Variants in PCDH15 observed in about 807,000 individuals in gnomAD.
The protein encoded by PCDH15 is protocadherin-15.
In PCDH15, 129 loss-of-function variants were observed where a neutral mutation model predicts 178.5. The observed-to-expected ratio is 0.72, with a 90% CI of 0.63 to 0.84. PCDH15 has a LOEUF of 0.84. PCDH15 is among the 40% of genes least tolerant of loss of function. The probability of loss-of-function intolerance (pLI) is 0.00; values close to 1 mark genes in which losing one functional copy is unlikely to be tolerated. For missense variants in PCDH15, 2,230 were observed against 2,099.9 expected (o/e 1.06, Z -1.21); for synonymous variants, 800 against 732.0 (o/e 1.09, Z -1.50).
chr10:55,086,367 A>G (rs568487361), intron 2 of PCDH15, among the ~76,000 whole-genome samples: 126 of 152,098 alleles, frequency 8.3e-4, no homozygotes, highest in Non-Finnish European at 1.2e-3. Context: ...ACATAGTTCT[A>G]TGATCAGTAA....
At chr10:53,925,665 T>C (rs1314604673) in intron 25 of PCDH15, among the ~76,000 whole-genome samples, 1 of 152,202 alleles carries the variant, frequency 6.6e-6, no homozygotes, top group Non-Finnish European at 1.5e-5. Context: ...TGCCAGTGGA[T>C]TTTTGTTTGC....
At chr10:54,015,461 G>A (rs560023768) in intron 20 of PCDH15, among the ~76,000 whole-genome samples, 8 of 152,104 alleles carry the variant, frequency 5.3e-5, no homozygotes, top group Non-Finnish European at 1.0e-4. Flanking sequence ...AAAGCAAAAA[G>A]AAAAAAGCTG....
At chr10:53,963,538 A>T (rs2088600257) in intron 21 of PCDH15, among the ~76,000 whole-genome samples, 1 of 152,184 alleles carries the variant, frequency 6.6e-6, no homozygotes, top group South Asian at 2.1e-4. Context: ...GTTCATAAAT[A>T]TCAAATTTTA....
intron 3 of PCDH15, among the ~76,000 whole-genome samples, chr10:54,874,752 A>G (rs1340256982): frequency 2.0e-5 from 3 of 152,176 alleles, no homozygotes; most frequent in Admixed American, 6.6e-5. Context: ...AGAAATCATG[A>G]TCATCTTAAA....
At chr10:54,091,573 A>C (rs2136066264) in intron 15 of PCDH15, among the ~76,000 whole-genome samples, 1 of 152,336 alleles carries the variant, frequency 6.6e-6, no homozygotes, top group East Asian at 1.9e-4. Flanking sequence ...GGACCACAAA[A>C]ACTACAGAAT....
intron 21 of PCDH15, among the ~76,000 whole-genome samples, chr10:53,967,874 A>G (rs930171251): frequency 2.6e-5 from 4 of 152,218 alleles, no homozygotes; most frequent in African/African-American, 7.2e-5. Flanking sequence ...CTATCTATTT[A>G]CAAGTAAATC....
chr10:54,346,313 A>G, intron 6 of PCDH15, 52 bp downstream of exon 6: 2 of 1,561,938 alleles, frequency 1.3e-6, no homozygotes, highest in Non-Finnish European at 1.8e-6. Context: ...TGAAAAAATC[A>G]TTAATTTTAT....
Position 53,860,724 on chromosome 10 carries a change from C to CA in PCDH15, c.3718-3462dup, listed in dbSNP as rs11345773. On this transcript the variant is annotated intron_variant, in intron 27 of 37. Transcript: ENST00000644397. ...CCAGTCTGGGCGAGAGACTCTGTCT[C>CA]AAAAAAAAAAAAAAAAAAAAAAGTG... Among the ~76,000 whole-genome samples, 236 of 77,798 alleles carry CA rather than the reference C, an allele frequency of 3.0e-3. 1 individual carries two copies. The highest frequency in any genetic ancestry group is 4.2e-3 in the Non-Finnish European group (171 of 40,804). 51.0% of individuals were successfully genotyped at this position (77,798 alleles called of 152,430 possible).
Position 53,903,323 on chromosome 10 carries a change from G to T in PCDH15, c.3421C>A (p.Pro1141Thr), listed in dbSNP as rs764487129. 2 of 1,613,036 alleles carry T rather than the reference G, an allele frequency of 1.2e-6. No individual in the cohort carries two copies. The highest frequency in any genetic ancestry group is 1.7e-5 in the Admixed American group (1 of 59,996). ...YIEIQDENNH[P>T]PVFQKKFYIG... is the part of the protein sequence containing the mutation. Reference sequence around the variant, plus strand: ...TAGAATTTTTTCTGAAACACTGGGGGATGATTATTTTCATCCTGAATCTCA... The same window carrying T: ...TAGAATTTTTTCTGAAACACTGGGGTATGATTATTTTCATCCTGAATCTCA... Residue 1141 changes from proline (P) to threonine (T), a missense_variant, in exon 26 of 38, where the codon CCC becomes ACC. Pro to Thr is a conservative substitution (Grantham distance 38). Transcript: ENST00000644397.
rs184968656 is a variant in PCDH15 at position 54,214,619 on chromosome 10, C to T, written c.986-571G>A. On this transcript the variant is annotated intron_variant, in intron 9 of 37. Coordinates refer to ENST00000644397, the MANE Select transcript of PCDH15 (RefSeq NM_001384140.1). ...TTATGTATTTATTTTTGAGATAGAG[C>T]CCTGCTGTGTCACCCAGGCTGGAGT... Among the ~76,000 whole-genome samples the T allele has an allele frequency of 3.5e-4, 53 of 152,098 alleles. No individual in the cohort carries two copies. In the East Asian group the frequency reaches 0.01, roughly 29 times the overall value.
At chr10:55,034,143 CA>C (rs1379476148) in intron 2 of PCDH15, among the ~76,000 whole-genome samples, 1 of 151,888 alleles carries the variant, frequency 6.6e-6, no homozygotes, top group Non-Finnish European at 1.5e-5. Context: ...TATTGCAGCC[CA>C]AAAGGACTCA....
chr10:53,952,753 C>A (rs1481120336), intron 23 of PCDH15, among the ~76,000 whole-genome samples: 2 of 152,220 alleles, frequency 1.3e-5, no homozygotes, highest in Admixed American at 6.5e-5. Flanking sequence ...CTCCAGGCCA[C>A]CCCCAGCCCC....
intron 2 of PCDH15, among the ~76,000 whole-genome samples, chr10:55,067,631 A>G (rs978038722): frequency 6.9e-5 from 7 of 102,062 alleles, no homozygotes; most frequent in African/African-American, 3.1e-4. Flanking sequence ...ATAATGTGAT[A>G]GTTCTATTTT....
intron 3 of PCDH15, among the ~76,000 whole-genome samples, chr10:54,501,870 G>T (rs1045123177): frequency 1.3e-5 from 2 of 151,932 alleles, no homozygotes; most frequent in African/African-American, 4.8e-5. Flanking sequence ...TCCCCCAAGG[G>T]TAAGAAAATA....
intron 2 of PCDH15, among the ~76,000 whole-genome samples, chr10:54,582,490 T>C (rs1288908406): frequency 6.6e-6 from 1 of 152,148 alleles, no homozygotes; most frequent in Admixed American, 6.6e-5. Flanking sequence ...TAATTACACA[T>C]ACTCTTTTAT....
At chr10:54,088,037 A>C (rs2094542719) in intron 16 of PCDH15, among the ~76,000 whole-genome samples, 1 of 152,210 alleles carries the variant, frequency 6.6e-6, no homozygotes. Context: ...AGGTGCCAGC[A>C]TCATGCTTCC....
intron 3 of PCDH15, among the ~76,000 whole-genome samples, chr10:54,421,024 GT>G (rs1955209292): frequency 6.6e-6 from 1 of 151,970 alleles, no homozygotes; most frequent in Non-Finnish European, 1.5e-5. Flanking sequence ...CGCTTCGCAT[GT>G]TGCATTATTA....
intron 2 of PCDH15, among the ~76,000 whole-genome samples, chr10:54,640,007 C>T (rs144209748): frequency 5.1e-4 from 78 of 152,116 alleles, no homozygotes; most frequent in African/African-American, 1.8e-3. Flanking sequence ...ATCACTTGAG[C>T]CCAGGAGGTC....
intron 2 of PCDH15, among the ~76,000 whole-genome samples, chr10:54,586,906 T>C (rs1012552805): frequency 6.6e-6 from 1 of 152,212 alleles, no homozygotes; most frequent in African/African-American, 2.4e-5. Flanking sequence ...TTTGAGAAAG[T>C]AATAGAATTT....
Sources: gnomAD v4.1 joint callset for allele counts (sites outside exome capture counted in the v4.1 genomes callset) on GRCh38, gnomAD v4.1.1 for gene constraint, MANE v1.5 for transcripts, NCBI Gene and HGNC (gene_info 2026-07-23, HGNC 2026-07-21) for gene names.